Variants in DISC1 observed in about 807,000 individuals in gnomAD.
DISC1 encodes DISC1 scaffold protein, also known as disrupted in schizophrenia 1 protein.
A neutral mutation model predicts 84.5 loss-of-function variants in DISC1; 57 were observed. The ratio of observed to expected loss-of-function variants is 0.67; its 90% CI spans 0.55 to 0.84. DISC1 has a LOEUF of 0.84. DISC1 is among the 40% of genes least tolerant of loss of function. The pLI is 0.00. For missense variants in DISC1, 1,000 were observed against 1,057.8 expected (o/e 0.95, Z 0.76); for synonymous variants, 411 against 415.2 (o/e 0.99, Z 0.12).
chr1:231,839,017 GA>G (rs5781671), intron 9 of DISC1, among the ~76,000 whole-genome samples: 59,286 of 151,954 alleles, frequency 0.39, 11,636 homozygotes, highest in Middle Eastern at 0.47. Flanking sequence ...GTTGAAGGAT[GA>G]AATGAAGCAA....
intron 7 of DISC1, among the ~76,000 whole-genome samples, chr1:231,799,585 G>A (rs572795412): frequency 6.6e-6 from 1 of 151,904 alleles, no homozygotes; most frequent in Admixed American, 6.6e-5. Context: ...CCCAGGCAGC[G>A]ACTGAGCAGT....
At chr1:231,841,960 A>G (rs2083099409) in intron 9 of DISC1, among the ~76,000 whole-genome samples, 2 of 152,308 alleles carry the variant, frequency 1.3e-5, no homozygotes, top group Middle Eastern at 3.4e-3. Context: ...TTGTTTAAAT[A>G]TCTATTTCCC....
rs2068510926 is a variant in DISC1, at chr1:231,715,141, G to C, written c.1117+13117G>C. 2.0e-5 allele frequency among the ~76,000 whole-genome samples: 3 copies of C among 152,160 alleles called. No individual in the cohort carries two copies. In the South Asian group the frequency reaches 6.2e-4, roughly 32 times the overall value. On this transcript the variant is annotated intron_variant, in intron 3 of 12. Coordinates refer to ENST00000439617, the MANE Select transcript of DISC1 (RefSeq NM_018662.3). Reference sequence around the variant, plus strand: ...CCAATGACCATAACCAAAGGGATGAGGTACTGTAATTAGCCAAGCCTGGCT... The same window carrying C: ...CCAATGACCATAACCAAAGGGATGACGTACTGTAATTAGCCAAGCCTGGCT...
chr1:231,641,074 A>G (rs896700378), intron 1 of DISC1, among the ~76,000 whole-genome samples: 2 of 152,224 alleles, frequency 1.3e-5, no homozygotes, highest in Non-Finnish European at 2.9e-5. Context: ...CCTGAAGGAA[A>G]AGGGTTGGAA....
At chr1:231,780,341 A>G (rs2077324893) in intron 6 of DISC1, among the ~76,000 whole-genome samples, 1 of 152,156 alleles carries the variant, frequency 6.6e-6, no homozygotes, top group African/African-American at 2.4e-5. Context: ...GCTATATTTG[A>G]GAAACTCAAG....
chr1:231,702,539 A>G, intron 3 of DISC1: 2 of 985,786 alleles, frequency 2.0e-6, no homozygotes, highest in Non-Finnish European at 2.4e-6. Context: ...AGGGGGTCAC[A>G]TGCATCAAAT....
At chr1:232,012,451 G>A (rs1332788482) in intron 11 of DISC1, among the ~76,000 whole-genome samples, 6 of 152,112 alleles carry the variant, frequency 3.9e-5, no homozygotes, top group Admixed American at 1.3e-4. Flanking sequence ...TGTGTTTTCC[G>A]GGAGCCATTG....
chr1:231,905,383 C>T, intron 9 of DISC1, among the ~76,000 whole-genome samples: 1 of 152,114 alleles, frequency 6.6e-6, no homozygotes, highest in Non-Finnish European at 1.5e-5. Flanking sequence ...CTTTGGGAGG[C>T]CATGGTGGGA....
At chr1:231,640,473 G>C (rs1185550123) in intron 1 of DISC1, among the ~76,000 whole-genome samples, 1 of 129,452 alleles carries the variant, frequency 7.7e-6, no homozygotes, top group African/African-American at 2.7e-5. Flanking sequence ...GCTCTGAGTG[G>C]GAGTACCTCC....
intron 3 of DISC1, among the ~76,000 whole-genome samples, chr1:231,749,335 A>G (rs1420061778): frequency 1.3e-5 from 2 of 152,232 alleles, no homozygotes; most frequent in African/African-American, 2.4e-5. Flanking sequence ...TTAAGAAAAA[A>G]TTGTATTACA....
At chr1:231,657,280 C>G (rs886723116) in intron 1 of DISC1, among the ~76,000 whole-genome samples, 1 of 152,234 alleles carries the variant, frequency 6.6e-6, no homozygotes, top group Non-Finnish European at 1.5e-5. Context: ...TTCTCCACAA[C>G]CTCACCAGCA....
intron 9 of DISC1, among the ~76,000 whole-genome samples, chr1:231,878,087 G>C (rs896800005): frequency 6.6e-6 from 1 of 152,170 alleles, no homozygotes; most frequent in Non-Finnish European, 1.5e-5. Context: ...CCTTAAAACA[G>C]TTCATTCTTT....
chr1:231,871,847 A>G (rs983521924), intron 9 of DISC1, among the ~76,000 whole-genome samples: 1 of 152,212 alleles, frequency 6.6e-6, no homozygotes, highest in Non-Finnish European at 1.5e-5. Flanking sequence ...CACCCTGGCC[A>G]GATCCTGCAT....
rs375761731 is a variant in DISC1 at position 232,026,977 on chromosome 1, C to G, written c.2425+425C>G. 4.6e-5 allele frequency among the ~76,000 whole-genome samples: 7 copies of G among 152,046 alleles called. No individual in the cohort carries two copies. In the East Asian group the frequency reaches 7.7e-4, roughly 17 times the overall value. On this transcript the variant is annotated intron_variant, in intron 12 of 12. Transcript: ENST00000439617. ...TGTTTGCCAGGCTGGTCTAGAACTC[C>G]TGACCTCAAGTGATCCGCCCGCCTT...
intron 10 of DISC1, among the ~76,000 whole-genome samples, chr1:232,000,950 A>G (rs1666604324): frequency 6.6e-6 from 1 of 152,228 alleles, no homozygotes. Context: ...TCTGGGAGGT[A>G]CAGAAAGGAA....
chr1:231,926,661 G>A (rs958319437), intron 9 of DISC1, among the ~76,000 whole-genome samples: 1 of 152,200 alleles, frequency 6.6e-6, no homozygotes, highest in African/African-American at 2.4e-5. Context: ...TAATAGATCA[G>A]CCTGAAAGGG....
intron 8 of DISC1, among the ~76,000 whole-genome samples, chr1:231,803,775 C>T (rs537882980): frequency 4.6e-5 from 7 of 151,944 alleles, no homozygotes; most frequent in East Asian, 3.9e-4. Context: ...GGTGAAACCC[C>T]GTCTCTACTA....
rs552609421 is a variant in DISC1, at chr1:231,702,044, T to C, written c.1117+20T>C. ...ATAAAGGTGAGTTTTAATTTGTTTA[T>C]TGATTGTTTTGTCATCATGTCCCAA... On this transcript the variant is annotated intron_variant, in intron 3 of 12. Transcript: ENST00000439617. 1 of 1,597,668 alleles carries C rather than the reference T, an allele frequency of 6.3e-7. No homozygotes were observed. The highest frequency in any genetic ancestry group is 8.5e-7 in the Non-Finnish European group (1 of 1,174,952).
chr1:231,721,998 A>C (rs2069808782), intron 3 of DISC1, among the ~76,000 whole-genome samples: 1 of 151,948 alleles, frequency 6.6e-6, no homozygotes, highest in Admixed American at 6.6e-5. Context: ...CTAAAAATAC[A>C]AAAAATTAGC....
Sources: gnomAD v4.1 joint callset for allele counts (sites outside exome capture counted in the v4.1 genomes callset) on GRCh38, gnomAD v4.1.1 for gene constraint, MANE v1.5 for transcripts, NCBI Gene and HGNC (gene_info 2026-07-23, HGNC 2026-07-21) for gene names.